ERBB4: variants seen among roughly 807,000 people sequenced by gnomAD.
The protein encoded by ERBB4 is receptor tyrosine-protein kinase erbB-4.
A neutral mutation model predicts 158.0 loss-of-function variants in ERBB4; 42 were observed. That is an observed-to-expected ratio of 0.27 (90% CI 0.21 to 0.34). ERBB4 has a LOEUF of 0.34. ERBB4 is among the 10% of genes least tolerant of loss of function. The pLI is 1.00. For missense variants in ERBB4, 1,333 were observed against 1,624.1 expected, an observed-to-expected ratio of 0.82 and a Z score of 3.08; for synonymous variants, 583 against 558.7, an observed-to-expected ratio of 1.04 and a Z score of -0.61.
chr2:212,111,338 C>T (rs377450795), intron 2 of ERBB4, among the ~76,000 whole-genome samples: 4 of 152,284 alleles, frequency 2.6e-5, no homozygotes, highest in South Asian at 4.1e-4. Context: ...TTTGAAATAA[C>T]GCCATACCCA....
chr2:212,177,654 C>G (rs757640213), intron 1 of ERBB4, among the ~76,000 whole-genome samples: 2 of 151,852 alleles, frequency 1.3e-5, no homozygotes, highest in Admixed American at 6.6e-5. Context: ...CACAATACAC[C>G]AGCTGTTCAT....
At chr2:211,738,553 G>A (rs1033540810) in intron 5 of ERBB4, among the ~76,000 whole-genome samples, 1 of 151,858 alleles carries the variant, frequency 6.6e-6, no homozygotes, top group Non-Finnish European at 1.5e-5. Flanking sequence ...TGTATTTTTA[G>A]TAGAGACAGG....
At chr2:211,709,267 A>G (rs1468605307) in intron 9 of ERBB4, among the ~76,000 whole-genome samples, 1 of 143,738 alleles carries the variant, frequency 7.0e-6, no homozygotes, top group African/African-American at 2.7e-5. Flanking sequence ...ATATATATAT[A>G]TATATATACA....
At chr2:212,021,089 T>C (rs960289102) in intron 2 of ERBB4, among the ~76,000 whole-genome samples, 4 of 152,338 alleles carry the variant, frequency 2.6e-5, no homozygotes, top group South Asian at 2.1e-4. Context: ...CTTTCTTATA[T>C]GTTTTAGTAA....
At chr2:211,466,587 C>T (rs888696761) in intron 20 of ERBB4, among the ~76,000 whole-genome samples, 1 of 152,074 alleles carries the variant, frequency 6.6e-6, no homozygotes, top group Non-Finnish European at 1.5e-5. Context: ...ATGCCTGAAA[C>T]ACTCTGTGGG....
intron 19 of ERBB4, among the ~76,000 whole-genome samples, chr2:211,575,352 A>G (rs2067858458): frequency 6.6e-6 from 1 of 152,220 alleles, no homozygotes; most frequent in South Asian, 2.1e-4. Context: ...TTAATCTTCC[A>G]ATAATAAAAT....
At chr2:212,100,578 T>G (rs941801775) in intron 2 of ERBB4, among the ~76,000 whole-genome samples, 1 of 152,210 alleles carries the variant, frequency 6.6e-6, no homozygotes, top group Admixed American at 6.5e-5. Context: ...ATGTCCACTC[T>G]GTGCCAAGAA....
intron 2 of ERBB4, among the ~76,000 whole-genome samples, chr2:211,990,531 T>A (rs1252180072): frequency 1.3e-5 from 2 of 148,292 alleles, no homozygotes; most frequent in African/African-American, 2.4e-5. Context: ...TAAAAATAAA[T>A]AAATAAATAA....
intron 19 of ERBB4, among the ~76,000 whole-genome samples, chr2:211,568,186 A>C (rs2067609656): frequency 6.6e-6 from 1 of 151,704 alleles, no homozygotes; most frequent in Non-Finnish European, 1.5e-5. Context: ...CATTGAACAG[A>C]AGGGAATAAT....
chr2:211,554,422 A>G (rs538039606), intron 20 of ERBB4, among the ~76,000 whole-genome samples: 6 of 152,294 alleles, frequency 3.9e-5, no homozygotes, highest in African/African-American at 1.2e-4. Flanking sequence ...TTCATTGTCA[A>G]TGTTACTCCA....
At chr2:211,540,611 T>A (rs2066778872) in intron 20 of ERBB4, among the ~76,000 whole-genome samples, 1 of 151,932 alleles carries the variant, frequency 6.6e-6, no homozygotes, top group South Asian at 2.1e-4. Context: ...TCATCCAGGC[T>A]GGAGTGCAGT....
At chr2:211,718,336 T>TC (rs1241979802) in intron 7 of ERBB4, among the ~76,000 whole-genome samples, 5 of 152,226 alleles carry the variant, frequency 3.3e-5, no homozygotes, top group African/African-American at 2.4e-5. Context: ...TAATCCCATG[T>TC]CCCTTACACA....
chr2:211,402,953 G>T (rs1365881855), intron 25 of ERBB4, among the ~76,000 whole-genome samples: 2 of 151,962 alleles, frequency 1.3e-5, no homozygotes, highest in Non-Finnish European at 2.9e-5. Flanking sequence ...GATTTACCTT[G>T]AAGCAATGAA....
chr2:212,272,453 T>C (rs1238452337), intron 1 of ERBB4, among the ~76,000 whole-genome samples: 1 of 151,756 alleles, frequency 6.6e-6, no homozygotes, highest in Non-Finnish European at 1.5e-5. Flanking sequence ...AAAGGAATAA[T>C]GTGGCATTTC....
At chr2:211,692,324 G>C (rs192193811) in intron 12 of ERBB4, among the ~76,000 whole-genome samples, 11 of 152,166 alleles carry the variant, frequency 7.2e-5, no homozygotes, top group Admixed American at 3.9e-4. Context: ...TCTCATTTCT[G>C]TGAGTTAATA....
At chr2:212,352,665 C>T (rs966062825) in intron 1 of ERBB4, among the ~76,000 whole-genome samples, 2 of 151,846 alleles carry the variant, frequency 1.3e-5, no homozygotes, top group Non-Finnish European at 2.9e-5. Context: ...GTCAGGAGCT[C>T]GACACCAACC....
chr2:211,970,228 T>G (rs1332330593), intron 2 of ERBB4, among the ~76,000 whole-genome samples: 1 of 152,174 alleles, frequency 6.6e-6, no homozygotes, highest in Non-Finnish European at 1.5e-5. Context: ...AAATTTCAAA[T>G]TTGATTGTGC....
chr2:212,106,243 G>A lies in ERBB4; in HGVS notation c.234+18509C>T, dbSNP rs146293098. ...CTTGCTGAATGGGTTTGACCAAAAT[G>A]CTGATAATGATATGGACAATGAAAT... is the stretch of plus-strand genomic sequence containing the variant. On this transcript the variant is annotated intron_variant, in intron 2 of 27. Transcript: ENST00000342788. Among the ~76,000 whole-genome samples, 1,440 of 152,284 alleles carry A rather than the reference G, an allele frequency of 9.5e-3. 18 individuals carry two copies. The highest frequency in any genetic ancestry group is 0.033 in the African/African-American group (1,367 of 41,548).
At chr2:212,092,526 A>C (rs1188361964) in intron 2 of ERBB4, among the ~76,000 whole-genome samples, 2 of 152,156 alleles carry the variant, frequency 1.3e-5, no homozygotes, top group African/African-American at 4.8e-5. Context: ...AAGAGTGAAG[A>C]CTCATGAGGC....
Sources: gnomAD v4.1 joint callset for allele counts (sites outside exome capture counted in the v4.1 genomes callset) on GRCh38, gnomAD v4.1.1 for gene constraint, MANE v1.5 for transcripts, NCBI Gene and HGNC (gene_info 2026-07-23, HGNC 2026-07-21) for gene names.